Variants in TMEM51 observed in about 807,000 individuals in gnomAD.
TMEM51 encodes chromosome 1 open reading frame 72.
Under a neutral mutation model 13.6 loss-of-function variants are expected in TMEM51, and 8 were observed. The observed-to-expected ratio is 0.59, with a 90% CI of 0.35 to 1.07. The LOEUF (loss-of-function observed/expected upper bound fraction) is 1.07. Ranked by LOEUF, TMEM51 falls within the 50% of genes least tolerant of loss-of-function variation. TMEM51 has a pLI of 0.02. For synonymous variants in TMEM51, 147 were observed against 144.4 expected (o/e 1.02, Z -0.13); for missense variants, 279 against 330.7 (o/e 0.84, Z 1.21).
At chr1:15,181,370 C>A (rs558201382) in intron 1 of TMEM51, among the ~76,000 whole-genome samples, 3 of 152,168 alleles carry the variant, frequency 2.0e-5, no homozygotes, top group African/African-American at 7.2e-5. Context: ...GTCCTTCATG[C>A]CTTTGAGGAA....
At chr1:15,171,115 A>ACATCCCCCCCCCC in intron 1 of TMEM51, 4 of 428,152 alleles carry the variant, frequency 9.3e-6, no homozygotes, top group East Asian at 1.1e-4. Flanking sequence ...ACCCCCCGCC[A>ACATCCCCCCCCCC]CATCCCCCAC....
At chr1:15,169,147 A>G (rs1643143270) in intron 1 of TMEM51, among the ~76,000 whole-genome samples, 2 of 152,186 alleles carry the variant, frequency 1.3e-5, no homozygotes, top group South Asian at 4.1e-4. Flanking sequence ...TAGTGAGCTA[A>G]TAACAGGGCC....
chr1:15,214,454 T>C (rs887677051), intron 2 of TMEM51, among the ~76,000 whole-genome samples: 4 of 152,160 alleles, frequency 2.6e-5, no homozygotes, highest in African/African-American at 9.7e-5. Context: ...CAGATGACAG[T>C]AGGCTGTTTG....
intron 1 of TMEM51, among the ~76,000 whole-genome samples, chr1:15,199,582 C>T (rs561531916): frequency 6.6e-6 from 1 of 152,144 alleles, no homozygotes; most frequent in African/African-American, 2.4e-5. Flanking sequence ...TTCTGAGAGG[C>T]GTAAGGAGCA....
intron 3 of TMEM51, among the ~76,000 whole-genome samples, chr1:15,218,811 T>C (rs1373759737): frequency 6.6e-6 from 1 of 152,096 alleles, no homozygotes; most frequent in East Asian, 1.9e-4. Flanking sequence ...TTACCTTTCC[T>C]AGGAAGTCTT....
chr1:15,155,100 G>C (rs1642544073), intron 1 of TMEM51, among the ~76,000 whole-genome samples: 1 of 152,198 alleles, frequency 6.6e-6, no homozygotes, highest in South Asian at 2.1e-4. Flanking sequence ...GACCTATTGG[G>C]ACAGAGCCCC....
intron 3 of TMEM51, 92 bp from the exon 4 acceptor site, chr1:15,219,234 C>A: frequency 7.4e-7 from 1 of 1,345,362 alleles, no homozygotes; most frequent in Non-Finnish European, 1.0e-6. Flanking sequence ...TACAAGGCTG[C>A]TGTGTGTGGA....
At chr1:15,204,510 G>A (rs1288836665) in intron 1 of TMEM51, among the ~76,000 whole-genome samples, 1 of 152,188 alleles carries the variant, frequency 6.6e-6, no homozygotes, top group African/African-American at 2.4e-5. Context: ...AGCCAAGATC[G>A]CGCCACTGCA....
At chr1:15,185,659 C>T (rs1429392729) in intron 1 of TMEM51, among the ~76,000 whole-genome samples, 1 of 152,216 alleles carries the variant, frequency 6.6e-6, no homozygotes, top group African/African-American at 2.4e-5. Context: ...TAGCCTTGTA[C>T]TTCCAGAGTG....
At chr1:15,162,768 A>C (rs549774197) in intron 1 of TMEM51, among the ~76,000 whole-genome samples, 14 of 152,208 alleles carry the variant, frequency 9.2e-5, no homozygotes, top group African/African-American at 3.4e-4. Context: ...CCAGTCACAA[A>C]AAGACAGATA....
At position 15,162,989 on chromosome 1, in the gene TMEM51, A is replaced by G. The variant is rs553884628; in HGVS notation, c.-267+9035A>G. On this transcript the variant is annotated intron_variant, in intron 1 of 3. Transcript: ENST00000376008. ...CTTAATGCCACTGAACTGTTCATGGAAAAATGGTTAAGATAGTCAACTTTA... is the reference window on the plus strand; with the variant it reads ...CTTAATGCCACTGAACTGTTCATGGGAAAATGGTTAAGATAGTCAACTTTA... Among the ~76,000 whole-genome samples the G allele has an allele frequency of 2.4e-4, 37 of 152,122 alleles. 1 individual carries two copies. The highest frequency in any genetic ancestry group is 8.9e-4 in the African/African-American group (37 of 41,384).
In TMEM51 at chr1:15,174,087, G is replaced by T. The variant is rs371456091; in HGVS notation, c.-267+20133G>T. Among the ~76,000 whole-genome samples the T allele has an allele frequency of 1.7e-3, 257 of 152,232 alleles. 8 individuals carry two copies. The South Asian group carries it at 0.051, about 30-fold the overall frequency. ...CAGGGTTTTGCAGTTCCGCTGGAAG[G>T]AGGTTGGGGAAGGTCAGAAATCAGG... On this transcript the variant is annotated intron_variant, in intron 1 of 3. Transcript: ENST00000376008.
At chr1:15,204,669 T>C (rs1423699942) in intron 1 of TMEM51, among the ~76,000 whole-genome samples, 1 of 152,178 alleles carries the variant, frequency 6.6e-6, no homozygotes, top group Non-Finnish European at 1.5e-5. Context: ...AACTGAGACT[T>C]TGGGCAAGTT....
intron 1 of TMEM51, among the ~76,000 whole-genome samples, chr1:15,173,881 A>G (rs189848238): frequency 3.3e-5 from 5 of 152,218 alleles, no homozygotes; most frequent in Non-Finnish European, 7.3e-5. Flanking sequence ...TGTGGTCTGC[A>G]TGAGTAGAAC....
intron 1 of TMEM51, chr1:15,164,329 G>A (rs954327347): frequency 6.6e-6 from 3 of 455,934 alleles, no homozygotes; most frequent in Non-Finnish European, 1.3e-5. Flanking sequence ...CACTTTCTCA[G>A]TCTTTTCTTA....
intron 1 of TMEM51, among the ~76,000 whole-genome samples, chr1:15,179,994 A>AT (rs1320017722): frequency 6.6e-6 from 1 of 152,186 alleles, no homozygotes; most frequent in East Asian, 1.9e-4. Context: ...GCATTTTACT[A>AT]TATATAAACT....
In TMEM51 at chr1:15,219,440, G is replaced by A. The variant is rs1042303799; in HGVS notation, c.459G>A (p.Arg153=). The A allele has an allele frequency of 1.9e-6, 3 of 1,613,956 alleles. No individual in the cohort carries two copies. The highest frequency in any genetic ancestry group is 2.5e-6 in the Non-Finnish European group (3 of 1,179,984). Residue 153 remains arginine, a synonymous_variant, in exon 4 of 4, where the codon AGG becomes AGA. Transcript: ENST00000376008. ...CAAGGGGAGAGGAGCAGAACCCGAG[G>A]TTGAGCATCTCTCTCCCGTCCTATG... ...SEARGEEQNP[R]LSISLPSYES...
At chr1:15,175,226 C>T (rs529171088) in intron 1 of TMEM51, among the ~76,000 whole-genome samples, 2 of 152,172 alleles carry the variant, frequency 1.3e-5, no homozygotes, top group African/African-American at 4.8e-5. Flanking sequence ...ATGGCAAAAC[C>T]CCATCTCTAC....
intron 1 of TMEM51, among the ~76,000 whole-genome samples, chr1:15,167,162 C>G (rs1406303304): frequency 4.0e-5 from 6 of 151,588 alleles, no homozygotes; most frequent in Non-Finnish European, 8.8e-5. Context: ...CCCGTCTCTC[C>G]TAAAAAAACA....
Sources: allele counts gnomAD v4.1 joint callset (sites outside exome capture counted in the v4.1 genomes callset), GRCh38; gene constraint gnomAD v4.1.1; transcripts MANE v1.5; gene names NCBI Gene and HGNC (gene_info 2026-07-23, HGNC 2026-07-21).